The following PTPRJ variants were observed in gnomAD, a reference collection of about 807,000 sequenced individuals.
The protein encoded by PTPRJ is protein tyrosine phosphatase receptor type J.
In PTPRJ, 129 loss-of-function variants were observed where a neutral mutation model predicts 141.3. That is an observed-to-expected ratio of 0.91 (90% CI 0.79 to 1.06). PTPRJ has a LOEUF of 1.06. Ranked by LOEUF, PTPRJ falls within the 50% of genes least tolerant of loss-of-function variation. The pLI, the probability that PTPRJ is intolerant of heterozygous loss-of-function variation, is 0.00. For missense variants in PTPRJ, 1,601 were observed against 1,679.7 expected (o/e 0.95, Z 0.82); for synonymous variants, 610 against 640.5 (o/e 0.95, Z 0.72).
At chr11:48,043,528 GAGA>G (rs1402483411) in intron 1 of PTPRJ, among the ~76,000 whole-genome samples, 57 of 152,336 alleles carry the variant, frequency 3.7e-4, no homozygotes, top group African/African-American at 9.4e-4. Context: ...TTTTTGTCTT[GAGA>G]AGAAGTTCAG....
At position 48,142,931 on chromosome 11, in the gene PTPRJ, C is replaced by T. The variant is rs1857269044; in HGVS notation, c.2456C>T (p.Pro819Leu). 6.2e-7 allele frequency: 1 copy of T among 1,613,756 alleles called. No individual in the cohort carries two copies. Among genetic ancestry groups the T allele is most frequent in the Non-Finnish European group, 8.5e-7 (1 of 1,179,842 alleles). ...TGTTTTGTTTTAGATCCCCCTCCTC[C>T]AGATGGATCCCCTAATATTACATCT... Reference protein sequence around the residue: ...CTTGITDPPPPDGSPNITSVS... With the variant: ...CTTGITDPPPLDGSPNITSVS... Residue 819 changes from proline (P) to leucine (L), a missense_variant, in exon 12 of 25, where the codon CCA becomes CTA. Physicochemically the swap from Pro to Leu is moderately conservative, Grantham distance 98 (BLOSUM62 -3). Coordinates refer to ENST00000418331, the MANE Select transcript of PTPRJ (RefSeq NM_002843.4).
intron 1 of PTPRJ, among the ~76,000 whole-genome samples, chr11:48,032,338 C>A (rs1449341519): frequency 2.0e-5 from 3 of 152,248 alleles, no homozygotes; most frequent in Admixed American, 6.5e-5. Context: ...CCAACTCTGA[C>A]AGCTGAGCGG....
chr11:48,039,525 G>A (rs1307383714), intron 1 of PTPRJ, among the ~76,000 whole-genome samples: 1 of 151,020 alleles, frequency 6.6e-6, no homozygotes, highest in Non-Finnish European at 1.5e-5. Flanking sequence ...GGCCTTTATT[G>A]AACACTGTGG....
intron 1 of PTPRJ, among the ~76,000 whole-genome samples, chr11:48,016,608 C>T (rs936481406): frequency 6.6e-6 from 1 of 152,106 alleles, no homozygotes; most frequent in African/African-American, 2.4e-5. Context: ...CTTTTCTGAG[C>T]CTCAGCCGCC....
intron 1 of PTPRJ, among the ~76,000 whole-genome samples, chr11:48,045,540 C>T (rs1854371430): frequency 6.6e-6 from 1 of 152,224 alleles, no homozygotes; most frequent in Non-Finnish European, 1.5e-5. Context: ...TTGCAGATAT[C>T]AAGGGCTTGT....
chr11:48,056,724 A>C lies in PTPRJ; in HGVS notation c.97-53334A>C, dbSNP rs561713421. 2.0e-5 allele frequency among the ~76,000 whole-genome samples: 3 copies of C among 152,288 alleles called. No homozygotes were observed. In the East Asian group the frequency reaches 5.8e-4, roughly 29 times the overall value. On this transcript the variant is annotated intron_variant, in intron 1 of 24. Transcript: ENST00000418331. The stretch of plus-strand genomic sequence containing the variant: ...TCCCAGCACTTTGGGAGGCCGAGGT[A>C]GGCGGATCATCTGAGGTCAGGAGTT...
At position 47,980,687 on chromosome 11, in the gene PTPRJ, G is replaced by C; in HGVS notation, c.-226G>C. 2 of 990,010 alleles carry C rather than the reference G, an allele frequency of 2.0e-6. No homozygotes were observed. Among genetic ancestry groups the C allele is most frequent in the Non-Finnish European group, 2.4e-6 (2 of 834,406 alleles). 61.3% of individuals were successfully genotyped at this position (990,010 alleles called of 1,614,324 possible). On this transcript the variant is annotated 5_prime_UTR_variant, in exon 1 of 25. Coordinates refer to ENST00000418331, the MANE Select transcript of PTPRJ (RefSeq NM_002843.4). ...AAGCCCCTGCGCGCTCAGGGACGCG[G>C]CCCCCCCGCGGCAGCCGCGCTAGGC...
At chr11:47,981,091 C>CG in intron 1 of PTPRJ, 83 bp downstream of exon 1, 1 of 1,156,630 alleles carries the variant, frequency 8.6e-7, no homozygotes, top group Non-Finnish European at 1.1e-6. Context: ...CGTACCCCCC[C>CG]GGGGGGTTCC....
chr11:47,981,397 C>G (rs1853903501), intron 1 of PTPRJ, among the ~76,000 whole-genome samples: 1 of 152,134 alleles, frequency 6.6e-6, no homozygotes, highest in Non-Finnish European at 1.5e-5. Context: ...GACGCAGAGC[C>G]GGGCGGCCTG....
chr11:48,131,051 C>CAT (rs1260358599), intron 8 of PTPRJ, among the ~76,000 whole-genome samples: 302 of 112,068 alleles, frequency 2.7e-3, no homozygotes, highest in Middle Eastern at 4.8e-3. Flanking sequence ...CACACACACA[C>CAT]ATATATATAT....
At chr11:48,055,398 AATCTCCCGCCAG>A (rs1355252388) in intron 1 of PTPRJ, among the ~76,000 whole-genome samples, 2 of 152,054 alleles carry the variant, frequency 1.3e-5, no homozygotes, top group East Asian at 3.8e-4. Flanking sequence ...AAAGGCCCCA[AATCTCCCGCCAG>A]ATCTCTGAGG....
intron 1 of PTPRJ, among the ~76,000 whole-genome samples, chr11:47,988,514 A>T (rs1854109382): frequency 6.6e-6 from 1 of 151,512 alleles, no homozygotes; most frequent in African/African-American, 2.4e-5. Flanking sequence ...CCTGACCATG[A>T]CTAGTGTTTT....
intron 1 of PTPRJ, among the ~76,000 whole-genome samples, chr11:48,060,830 G>A (rs1854902387): frequency 6.6e-6 from 1 of 152,186 alleles, no homozygotes; most frequent in Non-Finnish European, 1.5e-5. Flanking sequence ...AAGGGGCTGA[G>A]ATTTGTTCCT....
At chr11:48,116,045 G>A (rs1856557279) in intron 3 of PTPRJ, among the ~76,000 whole-genome samples, 1 of 152,042 alleles carries the variant, frequency 6.6e-6, no homozygotes, top group African/African-American at 2.4e-5. Context: ...CAACCAAATG[G>A]CAGTAGTAAG....
chr11:48,066,523 CA>C (rs1224348493), intron 1 of PTPRJ, among the ~76,000 whole-genome samples: 1 of 151,122 alleles, frequency 6.6e-6, no homozygotes, highest in Non-Finnish European at 1.5e-5. Context: ...GGAAACTAGT[CA>C]GGGGCTGGTT....
rs35993560 is a variant in PTPRJ at position 48,071,607 on chromosome 11, C to CTTTTTT, written c.97-38437_97-38432dup. 1.7e-4 allele frequency among the ~76,000 whole-genome samples: 14 copies of CTTTTTT among 82,434 alleles called. 1 individual carries two copies. Among genetic ancestry groups the CTTTTTT allele is most frequent in the Non-Finnish European group, 2.4e-4 (11 of 45,764 alleles). 54.1% of individuals were successfully genotyped at this position (82,434 alleles called of 152,430 possible). ...ACAGGTGTGAGCCACCGCACCCAGC[C>CTTTTTT]TTTTTTTTTTTTTTTTTTTGAGATG... On this transcript the variant is annotated intron_variant, in intron 1 of 24. Coordinates refer to ENST00000418331, the MANE Select transcript of PTPRJ (RefSeq NM_002843.4).
chr11:48,009,518 C>T (rs1205488685), intron 1 of PTPRJ, among the ~76,000 whole-genome samples: 2 of 152,158 alleles, frequency 1.3e-5, no homozygotes, highest in Non-Finnish European at 2.9e-5. Context: ...ATCACTTGAA[C>T]CTGGGAGGCG....
intron 1 of PTPRJ, among the ~76,000 whole-genome samples, chr11:48,109,498 G>T (rs1019602886): frequency 6.6e-6 from 1 of 152,144 alleles, no homozygotes; most frequent in South Asian, 2.1e-4. Flanking sequence ...TGCTTGACAT[G>T]TGATTAAAAA....
chr11:48,117,063 T>TA (rs1441075529), intron 3 of PTPRJ, among the ~76,000 whole-genome samples: 3 of 152,250 alleles, frequency 2.0e-5, no homozygotes, highest in Non-Finnish European at 4.4e-5. Flanking sequence ...TCTCCCACAG[T>TA]AACTATTGTT....
Sources: allele counts gnomAD v4.1 joint callset (sites outside exome capture counted in the v4.1 genomes callset), GRCh38; gene constraint gnomAD v4.1.1; transcripts MANE v1.5; gene names NCBI Gene and HGNC (gene_info 2026-07-23, HGNC 2026-07-21).